HSF5: variants seen among roughly 807,000 people sequenced by gnomAD.
The protein encoded by HSF5 is heat shock transcription factor 5.
HSF5 carries 5 observed loss-of-function variants against 50.8 expected under a neutral mutation model. The observed-to-expected ratio is 0.10, with a 90% confidence interval of 0.05 to 0.21. The LOEUF is 0.21. Ranked by LOEUF, HSF5 falls within the 10% of genes least tolerant of loss-of-function variation. The probability of loss-of-function intolerance (pLI) is 1.00; values close to 1 mark genes in which losing one functional copy is unlikely to be tolerated. For missense variants in HSF5, 564 were observed against 762.6 expected (o/e 0.74, Z 3.07); for synonymous variants, 307 against 307.4 (o/e 1.00, Z 0.02).
intron 2 of HSF5, among the ~76,000 whole-genome samples, chr17:58,478,569 GA>G (rs1017588751): frequency 1.4e-5 from 2 of 143,808 alleles, no homozygotes; most frequent in Non-Finnish European, 3.1e-5. Context: ...TATTAAAAAA[GA>G]AAAAAAAATG....
chr17:58,475,145 A>G (rs985479781), intron 2 of HSF5, among the ~76,000 whole-genome samples: 18 of 152,338 alleles, frequency 1.2e-4, no homozygotes, highest in East Asian at 1.9e-4. Context: ...TAATATCATT[A>G]AACTTAAAAC....
intron 5 of HSF5, among the ~76,000 whole-genome samples, chr17:58,449,013 C>T (rs529905285): frequency 3.3e-5 from 5 of 152,232 alleles, no homozygotes; most frequent in African/African-American, 9.6e-5. Context: ...TTAAGGGTTT[C>T]TTGTTTGTTT....
At position 58,463,404 on chromosome 17, in the gene HSF5, ATTAAAC is replaced by A. The variant is rs892556227; in HGVS notation, c.1021-107_1021-102del. ...GCTGATGAGTGCTAAACATAAATAG[ATTAAAC>A]TTAAAGATCACTAAGAAAACCTAGA... On this transcript the variant is annotated intron_variant, in intron 3 of 5. Coordinates refer to ENST00000323777, the MANE Select transcript of HSF5 (RefSeq NM_001080439.3). 4.4e-6 allele frequency: 4 copies of A among 910,092 alleles called. No individual in the cohort carries two copies. The South Asian group carries it at 5.2e-5, about 12-fold the overall frequency. The allele number at this position is 910,092 out of a possible 1,614,324, so 56.4% of individuals were successfully genotyped here. A position where few individuals can be genotyped will look rare whatever the true frequency, so the allele number is the denominator to read the frequency against.
intron 4 of HSF5, among the ~76,000 whole-genome samples, chr17:58,461,042 T>A (rs1040744850): frequency 2.0e-5 from 3 of 151,348 alleles, no homozygotes; most frequent in Non-Finnish European, 4.4e-5. Flanking sequence ...GGTGAAACCC[T>A]GTCTCTACTA....
At chr17:58,462,757 A>C (rs1185920266) in intron 4 of HSF5, 25 bp downstream of exon 4, 11 of 1,556,070 alleles carry the variant, frequency 7.1e-6, no homozygotes, top group Non-Finnish European at 9.5e-6. Context: ...GAGCTTTATA[A>C]GCATTTTTTT....
intron 4 of HSF5, among the ~76,000 whole-genome samples, chr17:58,460,234 G>C (rs1223733996): frequency 6.6e-6 from 1 of 152,018 alleles, no homozygotes; most frequent in East Asian, 1.9e-4. Context: ...GCCCAGACCA[G>C]TCTGGACTTC....
At position 58,451,819 on chromosome 17, in the gene HSF5, A is replaced by G. The variant is rs139128301; in HGVS notation, c.1720+6949T>C. ...ACAATCTAAACCCAAAATAAGTAGA[A>G]GGAAAGAAATAGTAAAGATCACAGC... On this transcript the variant is annotated intron_variant, in intron 5 of 5. Coordinates refer to ENST00000323777, the MANE Select transcript of HSF5 (RefSeq NM_001080439.3). 8.3e-3 allele frequency among the ~76,000 whole-genome samples: 1,260 copies of G among 152,216 alleles called. 11 individuals carry two copies. Among genetic ancestry groups the G allele is most frequent in the Non-Finnish European group, 0.013 (868 of 68,010 alleles).
chr17:58,430,367 T>C (rs1052088994), intron 5 of HSF5, among the ~76,000 whole-genome samples: 7 of 152,214 alleles, frequency 4.6e-5, no homozygotes, highest in African/African-American at 1.7e-4. Context: ...CCACTGTACC[T>C]GGCCTGGTAA....
intron 5 of HSF5, among the ~76,000 whole-genome samples, chr17:58,432,657 C>T (rs1974379800): frequency 6.6e-6 from 1 of 152,084 alleles, no homozygotes; most frequent in African/African-American, 2.4e-5. Context: ...TTGAAGACCA[C>T]AGTAAGGATT....
intron 5 of HSF5, among the ~76,000 whole-genome samples, chr17:58,426,153 CT>C (rs1203069109): frequency 6.6e-6 from 1 of 152,158 alleles, no homozygotes; most frequent in Non-Finnish European, 1.5e-5. Context: ...AAGGAAATGA[CT>C]GTTAAAGCAA....
chr17:58,436,748 T>C (rs1310550992), intron 5 of HSF5, among the ~76,000 whole-genome samples: 1 of 151,274 alleles, frequency 6.6e-6, no homozygotes, highest in African/African-American at 2.4e-5. Flanking sequence ...CTTAAAAACA[T>C]CAAAAAATAG....
At position 58,480,274 on chromosome 17, in the gene HSF5, A is replaced by G. The variant is rs1287701694; in HGVS notation, c.551-7T>C. On this transcript the variant is annotated splice_polypyrimidine_tract_variant and splice_region_variant and intron_variant, in intron 1 of 5. Coordinates refer to ENST00000323777, the MANE Select transcript of HSF5 (RefSeq NM_001080439.3). ...TGTCCTACAGCCACTGGTCCTACATAAAAGAGGAAGAGCACATTTACTAAT... is the reference window on the plus strand; with the variant it reads ...TGTCCTACAGCCACTGGTCCTACATGAAAGAGGAAGAGCACATTTACTAAT... 9 of 1,589,270 alleles carry G rather than the reference A, an allele frequency of 5.7e-6. No homozygotes were observed. Among genetic ancestry groups the G allele is most frequent in the Non-Finnish European group, 7.7e-6 (9 of 1,168,000 alleles).
chr17:58,426,701 C>T (rs1427232461), intron 5 of HSF5, among the ~76,000 whole-genome samples: 2 of 152,158 alleles, frequency 1.3e-5, no homozygotes, highest in African/African-American at 4.8e-5. Flanking sequence ...GAGTGTAGTT[C>T]CCACAATGAG....
rs1364283217 is a variant in HSF5, at chr17:58,487,740, G to C, written c.535C>G (p.Arg179Gly). Residue 179 changes from arginine (R) to glycine (G), a missense_variant, in exon 1 of 6, where the codon CGG (arginine) becomes GGG (glycine). Transcript: ENST00000323777. ...HQQPPPPAGPRPEPHGPVAVG... is the reference protein window; with the variant it reads ...HQQPPPPAGPGPEPHGPVAVG... ...CCGGACTCACCGTGCGGCTCGGGCC[G>C]GGGCCCCGCGGGCGGCGGCGGCTGC... 3.6e-6 allele frequency: 5 copies of C among 1,382,882 alleles called. No individual in the cohort carries two copies. In the East Asian group the frequency reaches 1.5e-4, roughly 41 times the overall value. The allele number at this position is 1,382,882 out of a possible 1,614,324, so 85.7% of individuals were successfully genotyped here.
intron 2 of HSF5, among the ~76,000 whole-genome samples, chr17:58,478,485 A>G (rs1421833702): frequency 1.3e-5 from 2 of 148,322 alleles, no homozygotes; most frequent in Non-Finnish European, 3.0e-5. Context: ...CAAAAAAAAA[A>G]AAAAAGAAAA....
intron 5 of HSF5, among the ~76,000 whole-genome samples, chr17:58,445,743 G>T (rs1391689655): frequency 6.6e-6 from 1 of 152,120 alleles, no homozygotes; most frequent in African/African-American, 2.4e-5. Flanking sequence ...AAGGAAAGTT[G>T]TATTTAATGA....
At position 58,447,665 on chromosome 17, in the gene HSF5, C is replaced by T. The variant is rs545636780; in HGVS notation, c.1720+11103G>A. ...AGGAGTCTGCAAGAGCTGCAGCGTACGTGGGCTTAGGGTGCCCTCTACTGC... is the reference window on the plus strand; with the variant it reads ...AGGAGTCTGCAAGAGCTGCAGCGTATGTGGGCTTAGGGTGCCCTCTACTGC... On this transcript the variant is annotated intron_variant, in intron 5 of 5. Coordinates refer to ENST00000323777, the MANE Select transcript of HSF5 (RefSeq NM_001080439.3). Among the ~76,000 whole-genome samples the T allele has an allele frequency of 1.3e-4, 20 of 152,156 alleles. No individual in the cohort carries two copies. In the South Asian group the frequency reaches 2.9e-3, roughly 22 times the overall value.
chr17:58,476,569 T>G (rs950432877), intron 2 of HSF5: 4 of 1,501,510 alleles, frequency 2.7e-6, no homozygotes, highest in Non-Finnish European at 3.7e-6. Context: ...TTGATCAAAA[T>G]AAAAATCTAT....
At position 58,432,536 on chromosome 17, in the gene HSF5, G is replaced by C. The variant is rs1701083160; in HGVS notation, c.1721-10106C>G. On this transcript the variant is annotated intron_variant, in intron 5 of 5. Transcript: ENST00000323777. ...AAGTGTAAAGGCTGGAGCATTCTTG[G>C]TATGCTTAAACAATAGTGAAGAAAC... Among the ~76,000 whole-genome samples the C allele has an allele frequency of 1.3e-5, 2 of 152,114 alleles. 1 individual carries two copies. Among genetic ancestry groups the C allele is most frequent in the South Asian group, 4.1e-4 (2 of 4,830 alleles).
Sources: allele counts gnomAD v4.1 joint callset (sites outside exome capture counted in the v4.1 genomes callset), GRCh38; gene constraint gnomAD v4.1.1; transcripts MANE v1.5; gene names NCBI Gene and HGNC (gene_info 2026-07-23, HGNC 2026-07-21).